The following TG variants were observed in gnomAD, a reference collection of about 807,000 sequenced individuals.
TG encodes thyroglobulin.
Under a neutral mutation model 324.7 loss-of-function variants are expected in TG, and 270 were observed. The ratio of observed to expected loss-of-function variants is 0.83; its 90% CI spans 0.75 to 0.92. The LOEUF (loss-of-function observed/expected upper bound fraction) is 0.92. Among genes scored for constraint, TG ranks in the 40% least tolerant of loss-of-function variants. The pLI is 0.00. For synonymous variants in TG, 1,401 were observed against 1,327.0 expected, an observed-to-expected ratio of 1.06 and a Z score of -1.21; for missense variants, 3,591 against 3,456.4, an observed-to-expected ratio of 1.04 and a Z score of -0.98.
At chr8:132,881,775 C>T (rs1587222121) in intron 5 of TG, 88 bp from the exon 6 acceptor site, 8 of 873,422 alleles carry the variant, frequency 9.2e-6, no homozygotes, top group South Asian at 2.7e-5. Flanking sequence ...TTTCACTAGG[C>T]GTGGACTTGG....
At chr8:132,977,564 G>A (rs1830320786) in intron 34 of TG, among the ~76,000 whole-genome samples, 1 of 152,144 alleles carries the variant, frequency 6.6e-6, no homozygotes, top group African/African-American at 2.4e-5. Context: ...GACTGAGGAA[G>A]CCTCACAATC....
intron 45 of TG, among the ~76,000 whole-genome samples, chr8:133,117,453 T>A (rs1850790046): frequency 6.6e-6 from 1 of 152,196 alleles, no homozygotes; most frequent in African/African-American, 2.4e-5. Flanking sequence ...GCGCTTTGAA[T>A]GGAGGACTAT....
At position 132,887,971 on chromosome 8, in the gene TG, T is replaced by C; in HGVS notation, c.2177-13T>C. Reference sequence around the variant, plus strand: ...TTCTTAAACTGAAACACCTGCTCATTGTTCCTCCCCAGGCCCCACGCCCTG... The same window carrying C: ...TTCTTAAACTGAAACACCTGCTCATCGTTCCTCCCCAGGCCCCACGCCCTG... On this transcript the variant is annotated splice_polypyrimidine_tract_variant and intron_variant, in intron 9 of 47. Coordinates refer to ENST00000220616, the MANE Select transcript of TG (RefSeq NM_003235.5). The C allele has an allele frequency of 6.2e-7, 1 of 1,609,622 alleles. No homozygotes were observed. Among genetic ancestry groups the C allele is most frequent in the Non-Finnish European group, 8.5e-7 (1 of 1,177,764 alleles).
intron 41 of TG, among the ~76,000 whole-genome samples, chr8:133,078,846 A>G (rs574581221): frequency 3.3e-5 from 5 of 152,366 alleles, no homozygotes; most frequent in South Asian, 2.1e-4. Context: ...CAGGTAGAGC[A>G]TGAATGTATC....
chr8:133,110,369 G>A (rs1276544945), intron 43 of TG, among the ~76,000 whole-genome samples: 1 of 152,174 alleles, frequency 6.6e-6, no homozygotes, highest in African/African-American at 2.4e-5. Flanking sequence ...TCAGAGCTGA[G>A]CAAACAGGCT....
chr8:132,926,832 A>G (rs77378193), intron 22 of TG, among the ~76,000 whole-genome samples: 1 of 152,284 alleles, frequency 6.6e-6, no homozygotes. Flanking sequence ...TGGTGGTGGC[A>G]TCAGGACTCG....
chr8:133,116,224 A>G (rs1221190505), intron 44 of TG, among the ~76,000 whole-genome samples: 2 of 152,194 alleles, frequency 1.3e-5, no homozygotes, highest in Non-Finnish European at 2.9e-5. Context: ...ATTCCACAGT[A>G]TATTGTATTT....
intron 36 of TG, among the ~76,000 whole-genome samples, chr8:133,012,830 G>T (rs1397867416): frequency 2.6e-5 from 4 of 152,220 alleles, no homozygotes; most frequent in Non-Finnish European, 5.9e-5. Context: ...CTCTTAGGCT[G>T]TCAACAACCT....
At chr8:133,105,949 G>T (rs1348066820) in intron 43 of TG, among the ~76,000 whole-genome samples, 1 of 152,162 alleles carries the variant, frequency 6.6e-6, no homozygotes, top group East Asian at 1.9e-4. Flanking sequence ...TGGTAAAGAG[G>T]CTATAGGACA....
chr8:133,133,761 G>T, intron 47 of TG, 101 bp downstream of exon 47: 1 of 1,355,510 alleles, frequency 7.4e-7, no homozygotes. Flanking sequence ...TGGAGCCAAG[G>T]GGTCACCAGT....
intron 15 of TG, among the ~76,000 whole-genome samples, chr8:132,900,911 C>T (rs575931447): frequency 2.6e-5 from 4 of 152,296 alleles, no homozygotes; most frequent in Admixed American, 6.5e-5. Context: ...TTTCTTCCAC[C>T]TGTGCCTTCA....
At chr8:133,069,259 G>A (rs747188089) in intron 41 of TG, among the ~76,000 whole-genome samples, 6 of 152,088 alleles carry the variant, frequency 3.9e-5, no homozygotes, top group Admixed American at 6.5e-5. Flanking sequence ...CTTTTTATTC[G>A]TACATGTGAA....
At chr8:133,014,806 C>T (rs567141611) in intron 37 of TG, among the ~76,000 whole-genome samples, 19 of 152,320 alleles carry the variant, frequency 1.2e-4, no homozygotes, top group Admixed American at 6.5e-4. Context: ...ATGCTTTGAT[C>T]GCTAGGTGAT....
intron 41 of TG, among the ~76,000 whole-genome samples, chr8:133,084,676 C>T (rs1846253120): frequency 6.6e-6 from 1 of 152,238 alleles, no homozygotes; most frequent in Non-Finnish European, 1.5e-5. Context: ...CTGCTCTGAA[C>T]TAAAGAGACA....
chr8:132,996,691 T>C (rs1832919798), intron 35 of TG, among the ~76,000 whole-genome samples: 1 of 152,160 alleles, frequency 6.6e-6, no homozygotes, highest in Non-Finnish European at 1.5e-5. Flanking sequence ...TATCTAGGCA[T>C]TTAGAGGAGA....
intron 8 of TG, 67 bp from the exon 9 acceptor site, chr8:132,886,381 G>C (rs1286689696): frequency 1.2e-6 from 2 of 1,605,738 alleles, no homozygotes; most frequent in East Asian, 4.5e-5. Context: ...TAAAGGATCT[G>C]AGGAGCTGTC....
intron 34 of TG, among the ~76,000 whole-genome samples, chr8:132,977,218 C>A (rs1369405425): frequency 2.0e-5 from 3 of 152,256 alleles, no homozygotes; most frequent in African/African-American, 7.2e-5. Context: ...TAGGAAGTAG[C>A]CTCTATGGGA....
chr8:133,022,301 G>C, intron 40 of TG, 151 bp downstream of exon 40: 3 of 963,440 alleles, frequency 3.1e-6, no homozygotes, highest in Non-Finnish European at 4.9e-6. Flanking sequence ...GACCCTCCGG[G>C]GATACTGACA....
intron 41 of TG, among the ~76,000 whole-genome samples, chr8:133,034,473 G>A (rs1044065324): frequency 1.3e-5 from 2 of 152,118 alleles, no homozygotes; most frequent in Non-Finnish European, 2.9e-5. Flanking sequence ...GCAATTTGCT[G>A]AGCTGTTTTG....
Sources: gnomAD v4.1 joint callset for allele counts (sites outside exome capture counted in the v4.1 genomes callset) on GRCh38, gnomAD v4.1.1 for gene constraint, MANE v1.5 for transcripts, NCBI Gene and HGNC (gene_info 2026-07-23, HGNC 2026-07-21) for gene names.